Variants in RPS6KA3 observed in about 807,000 individuals in gnomAD.
RPS6KA3 encodes ribosomal protein S6 kinase alpha-3.
RPS6KA3 carries 4 observed loss-of-function variants against 67.2 expected under a neutral mutation model. The observed-to-expected ratio is 0.06, with a 90% CI of 0.03 to 0.14. The LOEUF is 0.14. Among genes scored for constraint, RPS6KA3 ranks in the 10% least tolerant of loss-of-function variants. The pLI is 1.00. For missense variants in RPS6KA3, 204 were observed against 559.0 expected, an observed-to-expected ratio of 0.36 and a Z score of 6.40; for synonymous variants, 182 against 183.7, an observed-to-expected ratio of 0.99 and a Z score of 0.07.
At position 20,256,960 on chromosome X, in the gene RPS6KA3, A is replaced by G. The variant is rs746455005; in HGVS notation, c.69+9604T>C. Among the ~76,000 whole-genome samples, 154 of 112,321 alleles carry G rather than the reference A, an allele frequency of 1.4e-3. 1 individual carries two copies. The highest frequency in any genetic ancestry group is 4.7e-3 in the African/African-American group (146 of 30,870). ...AGATTTCATTTAGACTGAGTCACTC[A>G]CCTGGATGTTCTCAACTCAAACAGG... is the stretch of plus-strand genomic sequence containing the variant. On this transcript the variant is annotated intron_variant, in intron 1 of 21. Coordinates refer to ENST00000379565, the MANE Select transcript of RPS6KA3 (RefSeq NM_004586.3).
intron 2 of RPS6KA3, among the ~76,000 whole-genome samples, chrX:20,228,750 C>T (rs1365770341): frequency 1.8e-5 from 2 of 111,188 alleles, no homozygotes; most frequent in Admixed American, 1.9e-4. Flanking sequence ...CCTCTAAAAT[C>T]ACTTATGTTC....
rs541567255 is a variant in RPS6KA3 at position 20,203,877 on chromosome X, T to C, written c.325+145A>G. 7 of 515,158 alleles carry C rather than the reference T, an allele frequency of 1.4e-5. No homozygotes were observed. In the South Asian group the frequency reaches 2.0e-4, roughly 15 times the overall value. The allele number at this position is 515,158 out of a possible 1,213,427, so 42.5% of individuals were successfully genotyped here. A position where few individuals can be genotyped will look rare whatever the true frequency, so the allele number is the denominator to read the frequency against. ...ATGATTCCTAGCCTAGCAGGAAAAA[T>C]TCACTAAAAGTCAGCCTAAATTTAA... On this transcript the variant is annotated intron_variant, in intron 4 of 21. Transcript: ENST00000379565.
intron 1 of RPS6KA3, among the ~76,000 whole-genome samples, chrX:20,252,325 T>G (rs2069895959): frequency 8.9e-6 from 1 of 112,035 alleles, no homozygotes; most frequent in African/African-American, 3.2e-5. Flanking sequence ...TTCTCACTCA[T>G]GTTGCGATTT....
At chrX:20,214,291 T>C (rs747329863) in intron 2 of RPS6KA3, among the ~76,000 whole-genome samples, 2 of 112,073 alleles carry the variant, frequency 1.8e-5, no homozygotes, top group East Asian at 5.6e-4. Flanking sequence ...TATGTCTCTT[T>C]CTTAGATTAC....
intron 18 of RPS6KA3, 69 bp from the exon 19 acceptor site, chrX:20,163,109 G>T: frequency 1.4e-6 from 1 of 705,748 alleles, no homozygotes; most frequent in Non-Finnish European, 2.3e-6. Flanking sequence ...GCTATGAGTT[G>T]AATTATATAT....
intron 21 of RPS6KA3, among the ~76,000 whole-genome samples, 189 bp downstream of exon 21, chrX:20,155,920 G>A (rs749720856): frequency 2.0e-4 from 22 of 112,238 alleles, no homozygotes; most frequent in African/African-American, 6.5e-4. Context: ...TTCAAAAGTC[G>A]CTCTTAAACT....
Position 20,236,968 on chromosome X carries a change from T to G in RPS6KA3, c.70-2154A>C, listed in dbSNP as rs948956321. The stretch of plus-strand genomic sequence containing the variant: ...AGATTCAAATTCCTGTCTCACCCTA[T>G]TAATTATGAAGTCTTGGACAGGTTC... On this transcript the variant is annotated intron_variant, in intron 1 of 21. Transcript: ENST00000379565. Among the ~76,000 whole-genome samples the G allele has an allele frequency of 7.2e-5, 8 of 111,761 alleles. No homozygotes were observed. In the East Asian group the frequency reaches 2.2e-3, roughly 31 times the overall value.
Position 20,266,641 on chromosome X carries a change from C to T in RPS6KA3, c.-9G>A, listed in dbSNP as rs1215512279. The stretch of plus-strand genomic sequence containing the variant: ...AGCTGCGCCAGCGGCATCTTCCCCC[C>T]CGGCCCGCCGCCTTCACCGCCTCCT... On this transcript the variant is annotated 5_prime_UTR_variant, in exon 1 of 22. Transcript: ENST00000379565. 3.5e-6 allele frequency: 4 copies of T among 1,134,218 alleles called. No individual in the cohort carries two copies. Among genetic ancestry groups the T allele is most frequent in the Middle Eastern group, 2.8e-4 (1 of 3,535 alleles). The allele number at this position is 1,134,218 out of a possible 1,213,427, so 93.5% of individuals were successfully genotyped here.
intron 2 of RPS6KA3, among the ~76,000 whole-genome samples, chrX:20,224,601 C>G (rs2069065497): frequency 9.0e-6 from 1 of 111,556 alleles, no homozygotes; most frequent in African/African-American, 3.3e-5. Flanking sequence ...AAGTGCAGGA[C>G]AGTTAATTTT....
chrX:20,246,058 C>T (rs1292721945), intron 1 of RPS6KA3, among the ~76,000 whole-genome samples: 4 of 102,575 alleles, frequency 3.9e-5, no homozygotes, highest in Non-Finnish European at 7.8e-5. Flanking sequence ...GCGGAGGCTG[C>T]AGTGAGCCGA....
At chrX:20,264,729 C>T (rs2070326462) in intron 1 of RPS6KA3, among the ~76,000 whole-genome samples, 1 of 111,927 alleles carries the variant, frequency 8.9e-6, no homozygotes, top group Non-Finnish European at 1.9e-5. Context: ...TATTGTTTTC[C>T]TATCACACTG....
chrX:20,265,912 G>C (rs1603433855), intron 1 of RPS6KA3: 2 of 110,880 alleles, frequency 1.8e-5, no homozygotes, highest in Admixed American at 1.9e-4. Context: ...GGAAACTCAA[G>C]TTAAACTCAC....
chrX:20,230,659 T>C (rs773157143), intron 2 of RPS6KA3, among the ~76,000 whole-genome samples: 21 of 111,013 alleles, frequency 1.9e-4, no homozygotes, highest in Non-Finnish European at 3.4e-4. Context: ...GTTATGGAGG[T>C]TGGGTTTTTA....
At chrX:20,209,469 C>T (rs1251325536) in intron 2 of RPS6KA3, 65 bp from the exon 3 acceptor site, 2 of 581,107 alleles carry the variant, frequency 3.4e-6, no homozygotes, top group African/African-American at 4.5e-5. Context: ...CGCTAAAAAT[C>T]AAACAATATT....
At position 20,177,064 on chromosome X, in the gene RPS6KA3, T is replaced by C; in HGVS notation, c.866A>G (p.Gln289Arg). 8.3e-7 allele frequency: 1 copy of C among 1,203,169 alleles called. No homozygotes were observed. Among genetic ancestry groups the C allele is most frequent in the Non-Finnish European group, 1.1e-6 (1 of 887,433 alleles). ...MILKAKLGMP[Q>R]FLSPEAQSLL... ...ACTCTGCGCTTCAGGACTCAAAAAC[T>C]GTGGCATTCCAAGTTTGGCTCTAAA... Residue 289 changes from glutamine (Q) to arginine (R), a missense_variant, in exon 11 of 22, where the codon CAG (glutamine) becomes CGG (arginine). Coordinates refer to ENST00000379565, the MANE Select transcript of RPS6KA3 (RefSeq NM_004586.3).
intron 3 of RPS6KA3, among the ~76,000 whole-genome samples, chrX:20,206,365 T>G (rs780213306): frequency 3.6e-5 from 4 of 112,409 alleles, no homozygotes; most frequent in Non-Finnish European, 7.5e-5. Context: ...TTAAATATTG[T>G]GTTCCCTGAA....
Position 20,155,020 on chromosome X carries a change from C to T in RPS6KA3, c.*378G>A. On this transcript the variant is annotated 3_prime_UTR_variant, in exon 22 of 22. Transcript: ENST00000379565. Reference sequence around the variant, plus strand: ...GTTTAAGCTAAGTGCTTAACATAAACTGTCCATCCCTATAACTAACAAAGA... The same window carrying T: ...GTTTAAGCTAAGTGCTTAACATAAATTGTCCATCCCTATAACTAACAAAGA... 1 of 240,279 alleles carries T rather than the reference C, an allele frequency of 4.2e-6. No homozygotes were observed. The highest frequency in any genetic ancestry group is 4.8e-5 in the South Asian group (1 of 20,662). 19.8% of individuals were successfully genotyped at this position (240,279 alleles called of 1,213,427 possible).
intron 1 of RPS6KA3, among the ~76,000 whole-genome samples, chrX:20,246,127 A>G (rs868829852): frequency 9.4e-6 from 1 of 106,513 alleles, no homozygotes; most frequent in South Asian, 4.0e-4. Flanking sequence ...GAAAAGAAAA[A>G]AAAAAAAAAA....
chrX:20,209,418 C>G lies in RPS6KA3; in HGVS notation c.127-14G>C. 1.0e-6 allele frequency: 1 copy of G among 960,820 alleles called. No homozygotes were observed. Among genetic ancestry groups the G allele is most frequent in the Non-Finnish European group, 1.5e-6 (1 of 667,221 alleles). 79.2% of individuals were successfully genotyped at this position (960,820 alleles called of 1,213,427 possible). A position where few individuals can be genotyped will look rare whatever the true frequency, so the allele number is the denominator to read the frequency against. ...ACTGACTTCTTCCTGTTGAGATAAA[C>G]GTAAGAGGAGCAAACAGGGTTAGCC... On this transcript the variant is annotated splice_polypyrimidine_tract_variant and intron_variant, in intron 2 of 21. Transcript: ENST00000379565.
Sources: allele counts gnomAD v4.1 joint callset (sites outside exome capture counted in the v4.1 genomes callset), GRCh38; gene constraint gnomAD v4.1.1; transcripts MANE v1.5; gene names NCBI Gene and HGNC (gene_info 2026-07-23, HGNC 2026-07-21).